Variants in CAMSAP2 observed in about 807,000 individuals in gnomAD.
The protein encoded by CAMSAP2 is calmodulin regulated spectrin associated protein family member 2.
CAMSAP2 carries 26 observed loss-of-function variants against 146.1 expected under a neutral mutation model. The observed-to-expected ratio is 0.18, with a 90% CI of 0.13 to 0.25. The LOEUF (loss-of-function observed/expected upper bound fraction) is 0.25, where lower values mean the gene tolerates loss of function less well. CAMSAP2 is among the 10% of genes least tolerant of loss of function. The probability of loss-of-function intolerance (pLI) is 1.00; values close to 1 mark genes in which losing one functional copy is unlikely to be tolerated. For synonymous variants in CAMSAP2, 499 were observed against 596.6 expected (o/e 0.84, Z 2.38); for missense variants, 1,381 against 1,759.3 (o/e 0.78, Z 3.85).
At chr1:200,750,291 G>A (rs1664462199) in intron 1 of CAMSAP2, among the ~76,000 whole-genome samples, 1 of 152,062 alleles carries the variant, frequency 6.6e-6, no homozygotes, top group Non-Finnish European at 1.5e-5. Context: ...TTGAAGGAGA[G>A]GGAGGCATTA....
intron 6 of CAMSAP2, among the ~76,000 whole-genome samples, chr1:200,838,618 T>C (rs930362414): frequency 9.9e-5 from 15 of 152,170 alleles, no homozygotes; most frequent in African/African-American, 3.6e-4. Flanking sequence ...GAGGGTAAGA[T>C]GAGGAAACTT....
intron 2 of CAMSAP2, among the ~76,000 whole-genome samples, chr1:200,772,500 T>C (rs1486884021): frequency 2.0e-5 from 3 of 152,150 alleles, no homozygotes; most frequent in East Asian, 3.9e-4. Context: ...TCCCAGCTAC[T>C]TGGGAGGCTG....
Position 200,752,014 on chromosome 1 carries a change from G to T in CAMSAP2, c.140-8825G>T, listed in dbSNP as rs139748127. Among the ~76,000 whole-genome samples the T allele has an allele frequency of 1.1e-4, 16 of 152,306 alleles. No homozygotes were observed. The East Asian group carries it at 2.9e-3, about 28-fold the overall frequency. On this transcript the variant is annotated intron_variant, in intron 1 of 16. Coordinates refer to ENST00000358823, the MANE Select transcript of CAMSAP2 (RefSeq NM_203459.4). ...ACATGGGCCACATTAACTTGGAAAT[G>T]CCTGTAAAGCATACAAGGGAAGATA...
At chr1:200,740,031 C>G (rs1200236601) in intron 1 of CAMSAP2, 65 bp downstream of exon 1, 27 of 1,568,886 alleles carry the variant, frequency 1.7e-5, no homozygotes, top group Non-Finnish European at 2.2e-5. Context: ...GGTTTTTGTT[C>G]CCGATTCTCG....
At chr1:200,808,209 GT>G (rs1246446313) in intron 3 of CAMSAP2, among the ~76,000 whole-genome samples, 1 of 152,072 alleles carries the variant, frequency 6.6e-6, no homozygotes, top group Non-Finnish European at 1.5e-5. Flanking sequence ...GGATTCTTAG[GT>G]TTGCTTGACC....
intron 3 of CAMSAP2, among the ~76,000 whole-genome samples, chr1:200,810,946 TC>T (rs1343469970): frequency 6.6e-6 from 1 of 152,008 alleles, no homozygotes; most frequent in Non-Finnish European, 1.5e-5. Context: ...AAACAAAACT[TC>T]CCCATCCAAA....
chr1:200,852,000 TATA>T (rs1667630898), intron 11 of CAMSAP2, among the ~76,000 whole-genome samples: 2 of 152,234 alleles, frequency 1.3e-5, no homozygotes, highest in Non-Finnish European at 2.9e-5. Flanking sequence ...AGAAGGGAAG[TATA>T]ATCATCCCCA....
chr1:200,807,412 G>A lies in CAMSAP2; in HGVS notation c.436G>A (p.Ala146Thr), dbSNP rs1287929408. The stretch of plus-strand genomic sequence containing the variant: ...GGCCATGATCGATACCCTCATGATG[G>A]CTTATACTGTAGAAATGGTCAGTAT... ...HLAMIDTLMM[A>T]YTVEMVSIEK... is the part of the protein sequence containing the mutation. The change falls in exon 3 of 17, where the codon GCT (alanine) becomes ACT (threonine). Residue 146 changes from alanine (A) to threonine (T), a missense_variant. Transcript: ENST00000358823. The A allele has an allele frequency of 1.3e-6, 2 of 1,562,656 alleles. No homozygotes were observed. The highest frequency in any genetic ancestry group is 2.5e-5 in the East Asian group (1 of 40,504).
chr1:200,845,274 A>C (rs1374795724), intron 8 of CAMSAP2, among the ~76,000 whole-genome samples: 2 of 142,746 alleles, frequency 1.4e-5, no homozygotes, highest in Non-Finnish European at 3.1e-5. Context: ...TTTTCTTGTT[A>C]GGATAGCTAT....
chr1:200,748,186 C>T (rs1344781591), intron 1 of CAMSAP2, among the ~76,000 whole-genome samples: 2 of 152,098 alleles, frequency 1.3e-5, no homozygotes, highest in Non-Finnish European at 2.9e-5. Context: ...ACCCATCATC[C>T]AGCCCCTGCT....
chr1:200,846,612 C>T (rs1321215016), intron 8 of CAMSAP2, among the ~76,000 whole-genome samples: 1 of 152,204 alleles, frequency 6.6e-6, no homozygotes, highest in Non-Finnish European at 1.5e-5. Flanking sequence ...AGTTCTCCAA[C>T]ACTGTGGAAC....
At chr1:200,818,769 C>G (rs1242723286) in intron 4 of CAMSAP2, among the ~76,000 whole-genome samples, 1 of 152,112 alleles carries the variant, frequency 6.6e-6, no homozygotes, top group African/African-American at 2.4e-5. Flanking sequence ...TCTGTAAAAG[C>G]AAAATTCATG....
In CAMSAP2 at chr1:200,832,158, T is replaced by C; in HGVS notation, c.646-42T>C. 1 of 1,537,272 alleles carries C rather than the reference T, an allele frequency of 6.5e-7. No homozygotes were observed. The highest frequency in any genetic ancestry group is 8.8e-7 in the Non-Finnish European group (1 of 1,136,766). ...GTACTGATTTTTTTCCTATGCGTTA[T>C]TTGGTACTTATTTATTTTCATGTAT... On this transcript the variant is annotated intron_variant, in intron 4 of 16. Transcript: ENST00000358823. The surrounding 1 kb of genome is among the most constrained non-coding windows in gnomAD (Gnocchi z 4.2).
In CAMSAP2 at chr1:200,859,153, G is replaced by C. The variant is rs1469044698; in HGVS notation, c.*1094G>C. 6.6e-5 allele frequency: 10 copies of C among 152,476 alleles called. No individual in the cohort carries two copies. The highest frequency in any genetic ancestry group is 5.9e-4 in the Admixed American group (9 of 15,260). The allele number at this position is 152,476 out of a possible 1,614,324, so 9.4% of individuals were successfully genotyped here. On this transcript the variant is annotated 3_prime_UTR_variant, in exon 17 of 17. Transcript: ENST00000358823. ...AATGGCTTAGAATAAGTATACACTTGAAATCTCCTCTACATGATCTTTGTT... is the reference window on the plus strand; with the variant it reads ...AATGGCTTAGAATAAGTATACACTTCAAATCTCCTCTACATGATCTTTGTT...
chr1:200,813,980 C>T (rs1306277424), intron 3 of CAMSAP2, among the ~76,000 whole-genome samples: 4 of 151,212 alleles, frequency 2.6e-5, no homozygotes, highest in Admixed American at 6.6e-5. Context: ...TGGTGGTACA[C>T]GCCTGTGGTC....
At chr1:200,819,444 G>A (rs929908073) in intron 4 of CAMSAP2, among the ~76,000 whole-genome samples, 4 of 152,098 alleles carry the variant, frequency 2.6e-5, no homozygotes, top group African/African-American at 7.2e-5. Context: ...TCTGGAAGCC[G>A]TACTTGAACG....
rs183638554 is a variant in CAMSAP2, at chr1:200,824,474, T to A, written c.646-7726T>A. ...TAGACAGAGTTCAGAAATAAAATTT[T>A]AAAAATACACAAACATGAGTTCATA... On this transcript the variant is annotated intron_variant, in intron 4 of 16. Coordinates refer to ENST00000358823, the MANE Select transcript of CAMSAP2 (RefSeq NM_203459.4). Among the ~76,000 whole-genome samples the A allele has an allele frequency of 2.1e-3, 319 of 152,276 alleles. 4 individuals carry two copies. The highest frequency in any genetic ancestry group is 7.5e-3 in the African/African-American group (310 of 41,562).
In CAMSAP2 at chr1:200,853,000, T is replaced by TACGCACAC. The variant is rs542175311; in HGVS notation, c.3603-273_3603-272insGCACACAC. Among the ~76,000 whole-genome samples, 3 of 147,592 alleles carry TACGCACAC rather than the reference T, an allele frequency of 2.0e-5. No individual in the cohort carries two copies. The South Asian group carries it at 6.8e-4, about 34-fold the overall frequency. ...ACATTAAAATAACTTTCCTGGGAGA[T>TACGCACAC]ACACACACACACACACACACACACA... On this transcript the variant is annotated intron_variant, in intron 12 of 16. Transcript: ENST00000358823.
chr1:200,840,059 C>T (rs897178398), intron 6 of CAMSAP2, among the ~76,000 whole-genome samples: 1 of 152,028 alleles, frequency 6.6e-6, no homozygotes, highest in South Asian at 2.1e-4. Flanking sequence ...AAAGTAGAAA[C>T]CTACCAAATG....
Sources: gnomAD v4.1 joint callset for allele counts (sites outside exome capture counted in the v4.1 genomes callset) on GRCh38, gnomAD v4.1.1 for gene constraint, Gnocchi (gnomAD v3.1) non-coding constraint, MANE v1.5 for transcripts, NCBI Gene and HGNC (gene_info 2026-07-23, HGNC 2026-07-21) for gene names.